The following CEP250 variants were observed in gnomAD, a reference collection of about 807,000 sequenced individuals.
CEP250 encodes the protein centrosome-associated protein CEP250.
A neutral mutation model predicts 315.7 loss-of-function variants in CEP250; 242 were observed. That is an observed-to-expected ratio of 0.77 (90% CI 0.69 to 0.85). The LOEUF (loss-of-function observed/expected upper bound fraction) is 0.85, where lower values mean the gene tolerates loss of function less well. CEP250 is among the 40% of genes least tolerant of loss of function. CEP250 has a pLI of 0.00. For missense variants in CEP250, 2,515 were observed against 2,886.4 expected, an observed-to-expected ratio of 0.87 and a Z score of 2.95; for synonymous variants, 1,088 against 1,175.0, an observed-to-expected ratio of 0.93 and a Z score of 1.51.
Position 35,512,514 on chromosome 20 carries a change from G to C in CEP250, c.*888G>C, listed in dbSNP as rs224386. The C allele has an allele frequency of 1, 151,643 of 152,306 alleles. 75,497 individuals carry two copies. Among genetic ancestry groups the C allele is most frequent in the Middle Eastern group, 1 (294 of 294 alleles). 9.4% of individuals were successfully genotyped at this position (152,306 alleles called of 1,614,324 possible). A position where few individuals can be genotyped will look rare whatever the true frequency, so the allele number is the denominator to read the frequency against. The stretch of plus-strand genomic sequence containing the variant: ...TCTGGGTGAATGTCCTTGAGATGTC[G>C]CTTCCTGGGCATATCAGCTGGAACT... On this transcript the variant is annotated 3_prime_UTR_variant, in exon 35 of 35. Coordinates refer to ENST00000397527, the MANE Select transcript of CEP250 (RefSeq NM_007186.6).
Position 35,467,012 on chromosome 20 carries a change from T to C in CEP250, c.539T>C (p.Leu180Pro), listed in dbSNP as rs1434033246. The change falls in exon 8 of 35, where the codon CTA becomes CCA. Residue 180 changes from leucine (L) to proline (P), a missense_variant. Coordinates refer to ENST00000397527, the MANE Select transcript of CEP250 (RefSeq NM_007186.6). ...GGGGAGCACGGTCGCCTTCTCAGTCTATGGCGGGAGGTTGTGACATTCCGA... is the reference window on the plus strand; with the variant it reads ...GGGGAGCACGGTCGCCTTCTCAGTCCATGGCGGGAGGTTGTGACATTCCGA... ...LKGEHGRLLS[L>P]WREVVTFRRH... The C allele has an allele frequency of 9.9e-6, 16 of 1,614,036 alleles. No homozygotes were observed. The highest frequency in any genetic ancestry group is 1.4e-5 in the Non-Finnish European group (16 of 1,179,920).
intron 2 of CEP250, 86 bp downstream of exon 2, chr20:35,458,460 A>T (rs1282710677): frequency 6.6e-6 from 1 of 152,232 alleles, no homozygotes; most frequent in Admixed American, 6.5e-5. Flanking sequence ...AAATTAATGT[A>T]CAAAAGAAAT....
chr20:35,503,929 C>G lies in CEP250; in HGVS notation c.5560C>G (p.Leu1854Val), dbSNP rs2064099589. Residue 1854 changes from leucine to valine, a missense_variant, in exon 30 of 35, where the codon CTG (leucine) becomes GTG (valine). Transcript: ENST00000397527. This position sits in a 1 kb window ranked among gnomAD's most constrained non-coding sequence, Gnocchi z 4.2. ...AGCTCTGGAGCAAGCCCATATGACA[C>G]TGAAGGAGCGTCATGGAGAGCTTCA... ...QGALEQAHMT[L>V]KERHGELQDH... 1.2e-6 allele frequency: 2 copies of G among 1,613,698 alleles called. No homozygotes were observed. Among genetic ancestry groups the G allele is most frequent in the Non-Finnish European group, 1.7e-6 (2 of 1,179,744 alleles).
At chr20:35,501,591 A>G (rs1448449751) in intron 28 of CEP250, among the ~76,000 whole-genome samples, 4 of 152,104 alleles carry the variant, frequency 2.6e-5, no homozygotes, top group African/African-American at 9.7e-5. Flanking sequence ...GAGGATGAGG[A>G]CATATTGGGA....
At position 35,480,251 on chromosome 20, in the gene CEP250, G is replaced by C. The variant is rs2063309518; in HGVS notation, c.2586+106G>C. ...CGTATGAGTGAAATTTTGTAACCAA[G>C]CTGTAAAATCCAACTTCCTGCTATT... On this transcript the variant is annotated intron_variant, in intron 20 of 34. Coordinates refer to ENST00000397527, the MANE Select transcript of CEP250 (RefSeq NM_007186.6). The C allele has an allele frequency of 2.4e-6, 3 of 1,225,200 alleles. No homozygotes were observed. The East Asian group carries it at 7.7e-5, about 31-fold the overall frequency. The allele number at this position is 1,225,200 out of a possible 1,614,324, so 75.9% of individuals were successfully genotyped here.
rs1400872105 is a variant in CEP250, at chr20:35,493,569, G to A, written c.3030G>A (p.Lys1010=). 2 of 1,542,606 alleles carry A rather than the reference G, an allele frequency of 1.3e-6. No individual in the cohort carries two copies. The highest frequency in any genetic ancestry group is 1.7e-6 in the Non-Finnish European group (2 of 1,147,442). ...TGCAGGATAAGATGGACCTGCAGAA[G>A]CAGGTCCCCTCCTCCTCCCCACCAA... is the stretch of plus-strand genomic sequence containing the variant. The part of the protein sequence containing the change: ...SLLQDKMDLQ[K]QVEDLKSQLV... The change falls in exon 23 of 35, where the codon AAG becomes AAA. Residue 1010 remains lysine (K), a synonymous_variant. Coordinates refer to ENST00000397527, the MANE Select transcript of CEP250 (RefSeq NM_007186.6).
At chr20:35,472,930 T>C in intron 12 of CEP250, 99 bp downstream of exon 12, 3 of 1,226,154 alleles carry the variant, frequency 2.4e-6, no homozygotes, top group Non-Finnish European at 3.5e-6. Flanking sequence ...CTTTCACTTT[T>C]TTGACCAGTC....
In CEP250 at chr20:35,493,483, G is replaced by A; in HGVS notation, c.2944G>A (p.Glu982Lys). 1 of 1,610,426 alleles carries A rather than the reference G, an allele frequency of 6.2e-7. No individual in the cohort carries two copies. The highest frequency in any genetic ancestry group is 8.5e-7 in the Non-Finnish European group (1 of 1,178,518). The change falls in exon 23 of 35, where the codon GAG (glutamate) becomes AAG (lysine). Residue 982 changes from glutamate (E) to lysine (K), a missense_variant. By Grantham distance (56) the Glu-to-Lys change is moderately conservative (BLOSUM62 1). Coordinates refer to ENST00000397527, the MANE Select transcript of CEP250 (RefSeq NM_007186.6). ...QLQEAQRELK[E>K]AARQHRDDLA... Reference sequence around the variant, plus strand: ...CCAGGAGGCTCAACGGGAGCTGAAGGAGGCAGCCCGGCAGCACAGAGATGA... The same window carrying A: ...CCAGGAGGCTCAACGGGAGCTGAAGAAGGCAGCCCGGCAGCACAGAGATGA...
intron 20 of CEP250, among the ~76,000 whole-genome samples, chr20:35,488,176 T>G (rs2063572323): frequency 6.6e-6 from 1 of 152,238 alleles, no homozygotes; most frequent in Non-Finnish European, 1.5e-5. Flanking sequence ...CAGAATTAGC[T>G]CTTCTTGTAG....
intron 2 of CEP250, among the ~76,000 whole-genome samples, chr20:35,458,633 T>G (rs1277904852): frequency 6.6e-6 from 1 of 152,174 alleles, no homozygotes; most frequent in African/African-American, 2.4e-5. Context: ...TACTTTCCCT[T>G]TGGGGGCTCT....
chr20:35,505,350 T>G (rs989073097), intron 30 of CEP250, among the ~76,000 whole-genome samples: 3 of 152,022 alleles, frequency 2.0e-5, no homozygotes, highest in African/African-American at 7.2e-5. Flanking sequence ...CTGGTAAAAG[T>G]GGTGTTTAAG....
intron 34 of CEP250, 107 bp downstream of exon 34, chr20:35,510,161 C>T: frequency 1.1e-5 from 11 of 1,011,790 alleles, no homozygotes; most frequent in Admixed American, 1.9e-5. Flanking sequence ...ACTTCAGTCT[C>T]CATGGGAGGC....
In CEP250 at chr20:35,503,893, GC is replaced by G; in HGVS notation, c.5527del (p.Leu1843SerfsTer10). The G allele has an allele frequency of 6.2e-7, 1 of 1,613,896 alleles. No individual in the cohort carries two copies. The highest frequency in any genetic ancestry group is 1.1e-5 in the South Asian group (1 of 91,066). On this transcript the variant is annotated frameshift_variant, in exon 30 of 35. Transcript: ENST00000397527. LOFTEE classifies it high-confidence loss of function. The surrounding 1 kb of genome is among the most constrained non-coding windows in gnomAD (Gnocchi z 4.2). Reference protein sequence around the residue: ...QEERVKEKADALQGALEQAHM... With the variant: ...QEERVKEKADXLQGALEQAHM... Reference sequence around the variant, plus strand: ...GGAGAGGGTGAAGGAAAAGGCAGACGCCCTCCAGGGAGCTCTGGAGCAAGCC... The same window carrying G: ...GGAGAGGGTGAAGGAAAAGGCAGACGCCTCCAGGGAGCTCTGGAGCAAGCC...
intron 1 of CEP250, among the ~76,000 whole-genome samples, chr20:35,457,425 G>A (rs1230923111): frequency 6.6e-6 from 1 of 151,932 alleles, no homozygotes; most frequent in East Asian, 1.9e-4. Flanking sequence ...GTGCAGTGGC[G>A]TGATCACAGC....
intron 17 of CEP250, 26 bp from the exon 18 acceptor site, chr20:35,479,205 A>G: frequency 1.2e-6 from 2 of 1,607,084 alleles, no homozygotes; most frequent in Non-Finnish European, 1.7e-6. Context: ...CCTCTGCTCC[A>G]TCTCTCACCA....
intron 10 of CEP250, among the ~76,000 whole-genome samples, chr20:35,470,672 G>A (rs2063003495): frequency 6.6e-6 from 1 of 152,234 alleles, no homozygotes; most frequent in Non-Finnish European, 1.5e-5. Context: ...AGAATCACTT[G>A]AACCTGGGAG....
intron 22 of CEP250, 55 bp from the exon 23 acceptor site, chr20:35,493,374 C>T (rs2063749599): frequency 2.1e-6 from 3 of 1,429,260 alleles, no homozygotes; most frequent in South Asian, 1.5e-5. Context: ...CCAAAAAAAC[C>T]AGTATTTCTA....
Position 35,507,774 on chromosome 20 carries a change from G to T in CEP250, c.6673G>T (p.Glu2225Ter). The T allele has an allele frequency of 6.4e-7, 1 of 1,559,856 alleles. No individual in the cohort carries two copies. Among genetic ancestry groups the T allele is most frequent in the South Asian group, 1.2e-5 (1 of 85,334 alleles). ...GCTCACCAGACGGGCTCTGGAGAAG[G>T]AGCGGCTACACAGCCCAGGTGCAAC... ...LELTRRALEKERLHSPGATST... is the reference protein window; with the variant it reads ...LELTRRALEK The change falls in exon 31 of 35, where the codon GAG becomes TAG. Residue 2225 changes from glutamate (E) to a stop codon, truncating the protein, a stop_gained. Transcript: ENST00000397527. LOFTEE classifies it high-confidence loss of function.
upstream of CEP250, chr20:35,455,201 G>C (rs1300266869): frequency 1.3e-5 from 2 of 152,314 alleles, no homozygotes. Context: ...GCTCAATCGC[G>C]GAGCAACTAG....
Sources: allele counts gnomAD v4.1 joint callset (sites outside exome capture counted in the v4.1 genomes callset), GRCh38; gene constraint gnomAD v4.1.1; non-coding constraint Gnocchi (gnomAD v3.1); transcripts MANE v1.5; gene names NCBI Gene and HGNC (gene_info 2026-07-23, HGNC 2026-07-21).